Variants in IQSEC1 observed in about 807,000 individuals in gnomAD.
The protein encoded by IQSEC1 is IQ motif and SEC7 domain-containing protein 1.
IQSEC1 carries 31 observed loss-of-function variants against 91.0 expected under a neutral mutation model. The observed-to-expected ratio is 0.34, with a 90% CI of 0.26 to 0.46. The LOEUF (loss-of-function observed/expected upper bound fraction) is 0.46. IQSEC1 is among the 20% of genes least tolerant of loss of function. The probability of loss-of-function intolerance (pLI) is 1.00; values close to 1 mark genes in which losing one functional copy is unlikely to be tolerated. For synonymous variants in IQSEC1, 699 were observed against 662.6 expected, an observed-to-expected ratio of 1.05 and a Z score of -0.84; for missense variants, 1,388 against 1,575.6, an observed-to-expected ratio of 0.88 and a Z score of 2.02.
chr3:13,002,442 G>T (rs901436339), intron 1 of IQSEC1, among the ~76,000 whole-genome samples: 1 of 151,978 alleles, frequency 6.6e-6, no homozygotes, highest in Non-Finnish European at 1.5e-5. Context: ...AGCACTTTGG[G>T]AGGCAGAGGC....
chr3:13,045,701 C>T (rs1422963338), intron 1 of IQSEC1, among the ~76,000 whole-genome samples: 4 of 152,330 alleles, frequency 2.6e-5, no homozygotes, highest in East Asian at 1.9e-4. Flanking sequence ...ACTGACTGGC[C>T]GGCGGAGTGG....
intron 1 of IQSEC1, among the ~76,000 whole-genome samples, chr3:13,015,152 C>G (rs1021203888): frequency 2.0e-5 from 3 of 152,182 alleles, no homozygotes; most frequent in African/African-American, 7.2e-5. Flanking sequence ...CTTCTGACTT[C>G]TGTGTGACTT....
chr3:13,138,147 A>G (rs1706740209), intron 2 of IQSEC1, among the ~76,000 whole-genome samples: 1 of 152,150 alleles, frequency 6.6e-6, no homozygotes, highest in Non-Finnish European at 1.5e-5. Flanking sequence ...CTCCTCCCAC[A>G]AGTCTTGTCT....
chr3:12,954,360 G>A (rs919468673), intron 1 of IQSEC1, among the ~76,000 whole-genome samples: 7 of 152,202 alleles, frequency 4.6e-5, no homozygotes, highest in Non-Finnish European at 8.8e-5. Flanking sequence ...CAGCTTCAGG[G>A]GCTCGCATGG....
At chr3:12,982,641 G>T (rs1368314373) in intron 1 of IQSEC1, among the ~76,000 whole-genome samples, 1 of 152,248 alleles carries the variant, frequency 6.6e-6, no homozygotes, top group Non-Finnish European at 1.5e-5. Context: ...TCTAGAAAGA[G>T]AGAGAGGAAC....
intron 3 of IQSEC1, among the ~76,000 whole-genome samples, chr3:12,934,241 C>T (rs1175642887): frequency 6.6e-6 from 1 of 152,194 alleles, no homozygotes; most frequent in Non-Finnish European, 1.5e-5. Flanking sequence ...TGTGAGATGT[C>T]CAAGACTCTT....
rs2125301183 is a variant in IQSEC1, at chr3:12,935,138, CT to C, written c.1568+309del. 6.6e-6 allele frequency among the ~76,000 whole-genome samples: 1 copy of C among 152,352 alleles called. No individual in the cohort carries two copies. The highest frequency in any genetic ancestry group is 2.1e-4 in the South Asian group (1 of 4,830). ...GCAGGGCATGGCCCAACATACCCCA[CT>C]TGCTATGGCGGACTTGGGGGGGATG... On this transcript the variant is annotated intron_variant, in intron 3 of 13. Coordinates refer to ENST00000613206, the MANE Select transcript of IQSEC1 (RefSeq NM_001134382.3). This position sits in a 1 kb window ranked among gnomAD's most constrained non-coding sequence, Gnocchi z 8.0.
intron 1 of IQSEC1, among the ~76,000 whole-genome samples, chr3:13,029,732 G>T (rs548826940): frequency 6.6e-6 from 1 of 152,208 alleles, no homozygotes; most frequent in African/African-American, 2.4e-5. Context: ...GCGTGCATGC[G>T]TGCACGTGTC....
rs75243619 is a variant in IQSEC1 at position 13,174,274 on chromosome 3, C to T, written c.273-10141G>A. On this transcript the variant is annotated intron_variant, in intron 1 of 15. Transcript: ENST00000648114. ...TGCAGGTGCCCATGCCTGATGACCC[C>T]GGAAAGGCTTTGTCCTCTGGGTCAG... Among the ~76,000 whole-genome samples, 1,130 of 152,264 alleles carry T rather than the reference C, an allele frequency of 7.4e-3. 19 individuals carry two copies. The highest frequency in any genetic ancestry group is 0.026 in the African/African-American group (1,065 of 41,544).
rs182660147 is a variant in IQSEC1 at position 13,046,470 on chromosome 3, T to A, written c.23+26522A>T. Among the ~76,000 whole-genome samples, 596 of 152,210 alleles carry A rather than the reference T, an allele frequency of 3.9e-3. 2 individuals are homozygous for A. The highest frequency in any genetic ancestry group is 5.1e-3 in the Non-Finnish European group (347 of 67,994). ...AGTTTCAGAGTCGGTCGCTCTGACATCTCCTTCCTGTATAGCATCTGCTGC... is the reference window on the plus strand; with the variant it reads ...AGTTTCAGAGTCGGTCGCTCTGACAACTCCTTCCTGTATAGCATCTGCTGC... On this transcript the variant is annotated intron_variant, in intron 1 of 13. Transcript: ENST00000613206.
chr3:13,247,764 C>A (rs1278429531), intron 1 of IQSEC1, among the ~76,000 whole-genome samples: 1 of 152,156 alleles, frequency 6.6e-6, no homozygotes, highest in Non-Finnish European at 1.5e-5. Context: ...GGGACTTCCT[C>A]TGGGCTGTTG....
chr3:13,238,482 T>A (rs562648633), intron 1 of IQSEC1, among the ~76,000 whole-genome samples: 2 of 152,108 alleles, frequency 1.3e-5, no homozygotes, highest in South Asian at 4.2e-4. Context: ...TGGCACCACC[T>A]CTATCCCCGA....
At chr3:13,199,729 C>T (rs910342190) in intron 1 of IQSEC1, among the ~76,000 whole-genome samples, 3 of 152,140 alleles carry the variant, frequency 2.0e-5, no homozygotes, top group African/African-American at 4.8e-5. Flanking sequence ...CACCCTGCCC[C>T]CATCTGAGTC....
intron 2 of IQSEC1, among the ~76,000 whole-genome samples, chr3:13,089,198 C>A (rs1485745915): frequency 1.3e-5 from 2 of 152,234 alleles, no homozygotes; most frequent in Non-Finnish European, 2.9e-5. Context: ...CCACACAGCC[C>A]TAAAATATAA....
intron 2 of IQSEC1, among the ~76,000 whole-genome samples, chr3:13,138,354 C>A (rs910812909): frequency 1.1e-4 from 17 of 151,982 alleles, no homozygotes; most frequent in Admixed American, 1.1e-3. Context: ...CTAGGTGTCT[C>A]GGTGCCTCCC....
rs985265230 is a variant in IQSEC1, at chr3:13,048,968, A to T, written c.23+24024T>A. Among the ~76,000 whole-genome samples, 9 of 152,172 alleles carry T rather than the reference A, an allele frequency of 5.9e-5. No homozygotes were observed. The East Asian group carries it at 1.7e-3, about 29-fold the overall frequency. The stretch of plus-strand genomic sequence containing the variant: ...TGGCAGCCATGCCTTGCCAAAGCTC[A>T]TGAAGAAAAGAAGACATGAGGGGTG... On this transcript the variant is annotated intron_variant, in intron 1 of 13. Coordinates refer to ENST00000613206, the MANE Select transcript of IQSEC1 (RefSeq NM_001134382.3).
intron 1 of IQSEC1, among the ~76,000 whole-genome samples, chr3:13,175,424 C>G (rs1281547591): frequency 2.6e-5 from 4 of 152,320 alleles, no homozygotes; most frequent in Middle Eastern, 3.4e-3. Flanking sequence ...AGTTCACCTC[C>G]CCCTGCTCTG....
At position 12,970,229 on chromosome 3, in the gene IQSEC1, G is replaced by A. The variant is rs192008557; in HGVS notation, c.24-28364C>T. Among the ~76,000 whole-genome samples, 52 of 152,332 alleles carry A rather than the reference G, an allele frequency of 3.4e-4. No individual in the cohort carries two copies. The highest frequency in any genetic ancestry group is 6.5e-4 in the Non-Finnish European group (44 of 68,038). On this transcript the variant is annotated intron_variant, in intron 1 of 13. Coordinates refer to ENST00000613206, the MANE Select transcript of IQSEC1 (RefSeq NM_001134382.3). The surrounding 1 kb of genome is among the most constrained non-coding windows in gnomAD (Gnocchi z 4.4). ...GACAAGTATTCCCCAGTATGGTGTCGTGACAGTGGAGGAAAGAGCTTGTAA... is the reference window on the plus strand; with the variant it reads ...GACAAGTATTCCCCAGTATGGTGTCATGACAGTGGAGGAAAGAGCTTGTAA...
chr3:12,900,079 T>C lies in IQSEC1; in HGVS notation c.*904A>G. On this transcript the variant is annotated 3_prime_UTR_variant, in exon 14 of 14. Transcript: ENST00000613206. ...GTAACCAGCTGTCCTGAGTTGCTAC[T>C]GTAGAGTGTACTGCAGTTTAGCTAT... The C allele has an allele frequency of 1.0e-6, 1 of 985,028 alleles. No individual in the cohort carries two copies. The highest frequency in any genetic ancestry group is 5.2e-4 in the Middle Eastern group (1 of 1,912). The allele number at this position is 985,028 out of a possible 1,614,324, so 61.0% of individuals were successfully genotyped here.
Sources: allele counts gnomAD v4.1 joint callset (sites outside exome capture counted in the v4.1 genomes callset), GRCh38; gene constraint gnomAD v4.1.1; non-coding constraint Gnocchi (gnomAD v3.1); transcripts MANE v1.5; gene names NCBI Gene and HGNC (gene_info 2026-07-23, HGNC 2026-07-21).